Variants in TECTB observed in about 807,000 individuals in gnomAD.
The protein encoded by TECTB is beta-tectorin.
Under a neutral mutation model 43.3 loss-of-function variants are expected in TECTB, and 45 were observed. That is an observed-to-expected ratio of 1.04 (90% CI 0.82 to 1.33). The LOEUF is 1.33. Among genes scored for constraint, TECTB ranks in the 40% most tolerant of loss-of-function variants. The pLI is 0.00. For synonymous variants in TECTB, 169 were observed against 156.7 expected, an observed-to-expected ratio of 1.08 and a Z score of -0.59; for missense variants, 399 against 404.7, an observed-to-expected ratio of 0.99 and a Z score of 0.12.
chr10:112,295,859 G>A (rs979327670), intron 7 of TECTB, among the ~76,000 whole-genome samples: 1 of 152,184 alleles, frequency 6.6e-6, no homozygotes, highest in African/African-American at 2.4e-5. Context: ...GGATGCCTGT[G>A]GCTTTGGGTG....
chr10:112,284,493 A>G, intron 2 of TECTB, 42 bp from the exon 3 acceptor site: 1 of 1,518,094 alleles, frequency 6.6e-7, no homozygotes, highest in Non-Finnish European at 8.9e-7. Flanking sequence ...GGTTAGCATG[A>G]TTACCCTAAC....
intron 5 of TECTB, 83 bp downstream of exon 5, chr10:112,286,474 T>C: frequency 7.0e-7 from 1 of 1,430,362 alleles, no homozygotes; most frequent in Admixed American, 2.0e-5. Context: ...GGATTCAGTC[T>C]TCCCCAAGCT....
At chr10:112,295,685 C>A (rs540966528) in intron 7 of TECTB, among the ~76,000 whole-genome samples, 1 of 152,240 alleles carries the variant, frequency 6.6e-6, no homozygotes, top group African/African-American at 2.4e-5. Context: ...TCTGAAATAA[C>A]GTATTGACCT....
intron 5 of TECTB, among the ~76,000 whole-genome samples, chr10:112,291,204 C>T (rs1169130016): frequency 2.0e-5 from 3 of 151,630 alleles, no homozygotes; most frequent in Non-Finnish European, 4.4e-5. Context: ...CTCCCTGTGT[C>T]CATATGTTCT....
intron 8 of TECTB, among the ~76,000 whole-genome samples, chr10:112,298,872 C>G (rs1336468477): frequency 6.6e-6 from 1 of 152,188 alleles, no homozygotes; most frequent in Non-Finnish European, 1.5e-5. Context: ...CCTTTCTGGT[C>G]TCTTTCAACT....
rs1396444527 is a variant in TECTB, at chr10:112,304,180, C to T, written c.*868C>T. ...ACACAAGTGCTGTGAGTTTGGTGAC[C>T]CAATCCTACAGATAAATGCCTTGTG... On this transcript the variant is annotated 3_prime_UTR_variant, in exon 11 of 11. Coordinates refer to ENST00000646139, the MANE Select transcript of TECTB (RefSeq NM_058222.3). 6.6e-6 allele frequency: 1 copy of T among 152,098 alleles called. No individual in the cohort carries two copies. The highest frequency in any genetic ancestry group is 1.5e-5 in the Non-Finnish European group (1 of 68,004). 9.4% of individuals were successfully genotyped at this position (152,098 alleles called of 1,614,324 possible).
At chr10:112,284,210 T>C (rs771428556) in intron 2 of TECTB, among the ~76,000 whole-genome samples, 4 of 152,214 alleles carry the variant, frequency 2.6e-5, no homozygotes, top group Admixed American at 2.0e-4. Flanking sequence ...TGCTCATTGT[T>C]ATGGAGATTT....
chr10:112,287,261 T>C (rs955631169), intron 5 of TECTB, among the ~76,000 whole-genome samples: 10 of 152,218 alleles, frequency 6.6e-5, no homozygotes, highest in African/African-American at 1.9e-4. Context: ...CATGTTGACA[T>C]AGAAGTTAAA....
intron 5 of TECTB, among the ~76,000 whole-genome samples, chr10:112,290,319 A>G (rs1307179589): frequency 6.6e-6 from 1 of 152,222 alleles, no homozygotes; most frequent in Non-Finnish European, 1.5e-5. Flanking sequence ...GTCTTGAAAC[A>G]TATCTCCTGT....
intron 7 of TECTB, among the ~76,000 whole-genome samples, chr10:112,294,926 T>C (rs1848532697): frequency 6.6e-6 from 1 of 152,246 alleles, no homozygotes; most frequent in South Asian, 2.1e-4. Flanking sequence ...ATCTGTGGAC[T>C]ACAAAGCTGA....
chr10:112,297,933 G>A, intron 7 of TECTB, 136 bp from the exon 8 acceptor site: 1 of 1,111,712 alleles, frequency 9.0e-7, no homozygotes, highest in Non-Finnish European at 1.3e-6. Context: ...GATCAAGTGA[G>A]GTGCTGCTAA....
intron 5 of TECTB, 37 bp from the exon 6 acceptor site, chr10:112,293,699 TGA>T (rs746732944): frequency 1.9e-6 from 3 of 1,583,680 alleles, no homozygotes; most frequent in South Asian, 2.2e-5. Context: ...CTGCTCAATC[TGA>T]GAGTTCATAA....
intron 8 of TECTB, 99 bp downstream of exon 8, chr10:112,298,330 C>G: frequency 6.8e-7 from 1 of 1,462,344 alleles, no homozygotes; most frequent in South Asian, 1.3e-5. Context: ...GCCAGGGCAG[C>G]TGTGTGCTGA....
intron 7 of TECTB, among the ~76,000 whole-genome samples, chr10:112,296,129 C>T (rs964687923): frequency 2.6e-5 from 4 of 152,128 alleles, no homozygotes; most frequent in African/African-American, 4.8e-5. Flanking sequence ...CCCACAATCT[C>T]CAGATGATTT....
At chr10:112,300,262 GAA>G (rs1240295896) in intron 9 of TECTB, among the ~76,000 whole-genome samples, 1 of 30,760 alleles carries the variant, frequency 3.3e-5, no homozygotes, top group African/African-American at 2.2e-4. Flanking sequence ...AAGAAAGAAA[GAA>G]AGAAAGAAAG....
Position 112,283,762 on chromosome 10 carries a change from G to T in TECTB, c.28G>T (p.Ala10Ser). The T allele has an allele frequency of 6.2e-7, 1 of 1,613,804 alleles. No individual in the cohort carries two copies. Among genetic ancestry groups the T allele is most frequent in the Non-Finnish European group, 8.5e-7 (1 of 1,179,862 alleles). ...GGTGACGAAGGCCTTTGTCTTGTTG[G>T]CCATCTTTGCAGAAGCCTCTGCAAA... MVTKAFVLL[A>S]IFAEASAKSC... The change falls in exon 2 of 11, where the codon GCC becomes TCC. Residue 10 changes from alanine (A) to serine (S), a missense_variant. Physicochemically the swap from Ala to Ser is moderately conservative, Grantham distance 99. Transcript: ENST00000646139.
chr10:112,287,734 G>A (rs951123781), intron 5 of TECTB, among the ~76,000 whole-genome samples: 7 of 152,158 alleles, frequency 4.6e-5, no homozygotes, highest in East Asian at 1.9e-4. Flanking sequence ...AGTTCAGAGC[G>A]GTGGCCAGTC....
chr10:112,300,016 C>G (rs1848584418), intron 9 of TECTB, among the ~76,000 whole-genome samples: 1 of 151,092 alleles, frequency 6.6e-6, no homozygotes, highest in Non-Finnish European at 1.5e-5. Flanking sequence ...TACAAAATTA[C>G]CTGGGCTTGG....
At chr10:112,300,231 AAAGAAAGAAAGAAAGAAAGAAAGAAAG>A (rs1336127340) in intron 9 of TECTB, among the ~76,000 whole-genome samples, 1 of 100,058 alleles carries the variant, frequency 1.0e-5, no homozygotes, top group Non-Finnish European at 1.9e-5. Flanking sequence ...AGAAAGAAAT[AAAGAAAGAAAGAAAGAAAGAAAGAAAG>A]AAAGAAAGAA....
Sources: allele counts gnomAD v4.1 joint callset (sites outside exome capture counted in the v4.1 genomes callset), GRCh38; gene constraint gnomAD v4.1.1; transcripts MANE v1.5; gene names NCBI Gene and HGNC (gene_info 2026-07-23, HGNC 2026-07-21).